The following ORC3 variants were observed in gnomAD, a reference collection of about 807,000 sequenced individuals.
The protein encoded by ORC3 is homolog of latheo, Drosophila.
ORC3 carries 78 observed loss-of-function variants against 100.7 expected under a neutral mutation model. That is an observed-to-expected ratio of 0.77 (90% confidence interval 0.65 to 0.94). The LOEUF (loss-of-function observed/expected upper bound fraction) is 0.94. Ranked by LOEUF, ORC3 falls within the 40% of genes least tolerant of loss-of-function variation. The probability of loss-of-function intolerance (pLI) is 0.00; values close to 1 mark genes in which losing one functional copy is unlikely to be tolerated. For missense variants in ORC3, 789 were observed against 823.9 expected (o/e 0.96, Z 0.52); for synonymous variants, 295 against 289.3 (o/e 1.02, Z -0.20).
chr6:87,627,801 T>G (rs1479484824), intron 11 of ORC3, among the ~76,000 whole-genome samples: 1 of 152,182 alleles, frequency 6.6e-6, no homozygotes, highest in Non-Finnish European at 1.5e-5. Flanking sequence ...AAATTTACAG[T>G]CTGTATAACT....
At chr6:87,647,220 G>T (rs1014567441) in intron 13 of ORC3, among the ~76,000 whole-genome samples, 1 of 152,116 alleles carries the variant, frequency 6.6e-6, no homozygotes, top group East Asian at 1.9e-4. Flanking sequence ...AGTAAAAGCC[G>T]TATACAGTGA....
At chr6:87,596,650 T>A (rs1777468676) in intron 2 of ORC3, among the ~76,000 whole-genome samples, 1 of 152,122 alleles carries the variant, frequency 6.6e-6, no homozygotes, top group African/African-American at 2.4e-5. Context: ...ATTTGTAAAT[T>A]ATACCTCAAT....
chr6:87,605,592 G>A (rs186375222), intron 4 of ORC3, among the ~76,000 whole-genome samples: 4 of 152,046 alleles, frequency 2.6e-5, no homozygotes, highest in Admixed American at 2.6e-4. Context: ...GAAGGATGCA[G>A]TGAGCTGAGA....
intron 16 of ORC3, 27 bp downstream of exon 16, chr6:87,658,045 C>CTAA: frequency 8.2e-7 from 1 of 1,217,442 alleles, no homozygotes; most frequent in Non-Finnish European, 1.2e-6. Flanking sequence ...CTCTTAAGAG[C>CTAA]TAAAAATCAT....
At chr6:87,644,118 A>C (rs1768536272) in intron 13 of ORC3, among the ~76,000 whole-genome samples, 1 of 65,284 alleles carries the variant, frequency 1.5e-5, no homozygotes, top group African/African-American at 6.7e-5. Context: ...TTTGAGACGG[A>C]GTCTCGCTCT....
rs1017801270 is a variant in ORC3, at chr6:87,616,687, CT to C, written c.987+266del. Among the ~76,000 whole-genome samples the C allele has an allele frequency of 4.2e-4, 64 of 152,108 alleles. 1 individual carries two copies. The highest frequency in any genetic ancestry group is 1.5e-3 in the African/African-American group (64 of 41,490). The stretch of plus-strand genomic sequence containing the variant: ...CATTTTGGGGGTAGGGGCAAGCAGA[CT>C]TTTTTGGTTTGTTTCCGAGACTCTC... On this transcript the variant is annotated intron_variant, in intron 9 of 19. Transcript: ENST00000392844.
chr6:87,637,400 T>G (rs151295914), intron 13 of ORC3, among the ~76,000 whole-genome samples: 174 of 152,286 alleles, frequency 1.1e-3, no homozygotes, highest in African/African-American at 3.9e-3. Flanking sequence ...TACCTCCCCA[T>G]GGAAACTAGA....
chr6:87,635,540 T>C (rs1269869905), intron 12 of ORC3, among the ~76,000 whole-genome samples: 1 of 152,192 alleles, frequency 6.6e-6, no homozygotes, highest in Non-Finnish European at 1.5e-5. Context: ...CTCACGCCTG[T>C]AATCCCAGCA....
intron 11 of ORC3, among the ~76,000 whole-genome samples, chr6:87,626,740 C>T (rs1382578423): frequency 2.0e-5 from 3 of 148,842 alleles, no homozygotes; most frequent in Admixed American, 6.8e-5. Flanking sequence ...TGAGCTGAGA[C>T]AGCGCCACTG....
chr6:87,633,600 T>C (rs9444530), intron 11 of ORC3, among the ~76,000 whole-genome samples: 81,166 of 152,054 alleles, frequency 0.53, 21,995 homozygotes, highest in Admixed American at 0.62. Flanking sequence ...TATTGCTTTA[T>C]AGAGGTTAGA....
At chr6:87,612,673 GA>G (rs1462653090) in intron 8 of ORC3, among the ~76,000 whole-genome samples, 1 of 152,108 alleles carries the variant, frequency 6.6e-6, no homozygotes, top group Non-Finnish European at 1.5e-5. Flanking sequence ...GTGCAGTGAC[GA>G]AATCTTGGCT....
intron 11 of ORC3, among the ~76,000 whole-genome samples, chr6:87,629,151 A>AT (rs1345369738): frequency 2.6e-5 from 4 of 152,238 alleles, no homozygotes; most frequent in African/African-American, 9.6e-5. Context: ...GCCAGCCAGC[A>AT]TTTTTCTCTA....
intron 13 of ORC3, among the ~76,000 whole-genome samples, chr6:87,649,980 A>G (rs35145047): frequency 0.058 from 8,737 of 151,468 alleles, 304 homozygotes; most frequent in African/African-American, 0.098. Context: ...ATGTAGTTTA[A>G]TATAAGATAT....
chr6:87,623,889 AAAAACAAAAC>A (rs1299794567), intron 11 of ORC3, among the ~76,000 whole-genome samples: 3 of 152,158 alleles, frequency 2.0e-5, no homozygotes, highest in Non-Finnish European at 1.5e-5. Flanking sequence ...GTCTTTAAAA[AAAAACAAAAC>A]AAAACAAAAC....
At chr6:87,660,154 CCT>C (rs1334143204) in intron 16 of ORC3, among the ~76,000 whole-genome samples, 1 of 152,176 alleles carries the variant, frequency 6.6e-6, no homozygotes, top group South Asian at 2.1e-4. Context: ...CAGCCGTTTC[CCT>C]GTCATGATCC....
intron 2 of ORC3, among the ~76,000 whole-genome samples, chr6:87,596,562 A>G (rs1777463098): frequency 6.6e-6 from 1 of 151,952 alleles, no homozygotes; most frequent in Non-Finnish European, 1.5e-5. Context: ...TTCTGGAGTG[A>G]TGGAAATGTT....
chr6:87,637,588 CT>C (rs1359727709), intron 13 of ORC3, among the ~76,000 whole-genome samples: 1 of 152,128 alleles, frequency 6.6e-6, no homozygotes, highest in Non-Finnish European at 1.5e-5. Context: ...ATATACCTAT[CT>C]TATATACCCA....
intron 11 of ORC3, among the ~76,000 whole-genome samples, chr6:87,633,281 T>C (rs184308907): frequency 7.2e-5 from 11 of 152,352 alleles, no homozygotes; most frequent in African/African-American, 2.4e-4. Flanking sequence ...ATGCCATCTG[T>C]ATGTTATGGC....
the ORC3 span, chr6:87,676,006 A>G: frequency 2.4e-6 from 3 of 1,235,732 alleles, no homozygotes; most frequent in Non-Finnish European, 3.5e-6. Context: ...AACACAAAAT[A>G]TACAGTAAAA....
Sources: allele counts gnomAD v4.1 joint callset (sites outside exome capture counted in the v4.1 genomes callset), GRCh38; gene constraint gnomAD v4.1.1; transcripts MANE v1.5; gene names NCBI Gene and HGNC (gene_info 2026-07-23, HGNC 2026-07-21).